ROCK2: variants seen among roughly 807,000 people sequenced by gnomAD.
The protein encoded by ROCK2 is rho-associated protein kinase 2.
In ROCK2, 61 loss-of-function variants were observed where a neutral mutation model predicts 195.1. That is an observed-to-expected ratio of 0.31 (90% CI 0.25 to 0.39). The LOEUF is 0.39. Ranked by LOEUF, ROCK2 falls within the 10% of genes least tolerant of loss-of-function variation. The probability of loss-of-function intolerance (pLI) is 1.00; values close to 1 mark genes in which losing one functional copy is unlikely to be tolerated. For missense variants in ROCK2, 1,109 were observed against 1,637.4 expected (o/e 0.68, Z 5.57); for synonymous variants, 504 against 545.5 (o/e 0.92, Z 1.06).
chr2:11,334,418 G>A, intron 1 of ROCK2, among the ~76,000 whole-genome samples: 1 of 151,334 alleles, frequency 6.6e-6, no homozygotes, highest in East Asian at 1.9e-4. Flanking sequence ...GGCAGAGGCA[G>A]GGGAATCCCT....
chr2:11,296,244 A>G (rs1478889144), intron 1 of ROCK2, among the ~76,000 whole-genome samples: 2 of 152,210 alleles, frequency 1.3e-5, no homozygotes, highest in Non-Finnish European at 2.9e-5. Context: ...TTAAGTAGAT[A>G]GATAGCTAAG....
At chr2:11,320,362 G>T (rs978546875) in intron 1 of ROCK2, among the ~76,000 whole-genome samples, 2 of 152,072 alleles carry the variant, frequency 1.3e-5, no homozygotes, top group Admixed American at 6.5e-5. Flanking sequence ...CCACTACCAG[G>T]TTCCTTCAAT....
intron 2 of ROCK2, among the ~76,000 whole-genome samples, chr2:11,286,913 G>T (rs1275056904): frequency 1.3e-5 from 2 of 152,186 alleles, no homozygotes; most frequent in Admixed American, 6.5e-5. Context: ...TAGCAAGTTA[G>T]ATGATAGCTG....
At position 11,182,240 on chromosome 2, in the gene ROCK2, T is replaced by C. The variant is rs1357477316; in HGVS notation, c.*1197A>G. ...TAAAATACTGCCACACACAGCTGCA[T>C]GTCTGAGGATCATATTTAAATATTT... On this transcript the variant is annotated 3_prime_UTR_variant, in exon 33 of 33. Coordinates refer to ENST00000315872, the MANE Select transcript of ROCK2 (RefSeq NM_004850.5). 6.6e-6 allele frequency: 1 copy of C among 152,224 alleles called. No individual in the cohort carries two copies. The highest frequency in any genetic ancestry group is 2.4e-5 in the African/African-American group (1 of 41,456). 9.4% of individuals were successfully genotyped at this position (152,224 alleles called of 1,614,324 possible).
intron 3 of ROCK2, among the ~76,000 whole-genome samples, chr2:11,267,207 A>G (rs1326576862): frequency 6.6e-6 from 1 of 152,210 alleles, no homozygotes; most frequent in Non-Finnish European, 1.5e-5. Flanking sequence ...CCAATAGGCA[A>G]TAATACAATT....
chr2:11,221,054 T>C, intron 9 of ROCK2, 144 bp downstream of exon 9: 1 of 528,444 alleles, frequency 1.9e-6, no homozygotes, highest in Middle Eastern at 5.2e-4. Flanking sequence ...AATAATAAAA[T>C]AAAATTAAGA....
At chr2:11,345,128 GC>G (rs1175423863), upstream of ROCK2, among the ~76,000 whole-genome samples, 14 of 152,218 alleles carry the variant, frequency 9.2e-5, no homozygotes, top group Admixed American at 3.9e-4. Flanking sequence ...CCCGCGAGGG[GC>G]CGCAGGGCCG....
rs201857487 is a variant in ROCK2, at chr2:11,321,558, A to AT, written c.141+22437dup. 9.3e-3 allele frequency among the ~76,000 whole-genome samples: 1,399 copies of AT among 151,072 alleles called. 19 individuals carry two copies. The highest frequency in any genetic ancestry group is 0.031 in the African/African-American group (1,262 of 41,284). Reference sequence around the variant, plus strand: ...CTCAAATAAATAAACCTCTGGACTGATTTTTTTTTAAAGACAGTGGAGCAA... The same window carrying AT: ...CTCAAATAAATAAACCTCTGGACTGATTTTTTTTTTAAAGACAGTGGAGCAA... On this transcript the variant is annotated intron_variant, in intron 1 of 32. Coordinates refer to ENST00000315872, the MANE Select transcript of ROCK2 (RefSeq NM_004850.5).
At chr2:11,299,960 C>A (rs1298323955) in intron 1 of ROCK2, among the ~76,000 whole-genome samples, 1 of 152,112 alleles carries the variant, frequency 6.6e-6, no homozygotes, top group African/African-American at 2.4e-5. Flanking sequence ...CTCTTTTGTC[C>A]ACTCTATGTG....
At chr2:11,273,356 C>T (rs1379712115) in intron 3 of ROCK2, among the ~76,000 whole-genome samples, 2 of 151,956 alleles carry the variant, frequency 1.3e-5, no homozygotes, top group Non-Finnish European at 2.9e-5. Context: ...AGTGGCTATA[C>T]TAATATCAGA....
At chr2:11,300,475 G>A (rs866159359) in intron 1 of ROCK2, among the ~76,000 whole-genome samples, 3 of 152,140 alleles carry the variant, frequency 2.0e-5, no homozygotes, top group African/African-American at 7.2e-5. Flanking sequence ...TGTTGACTAG[G>A]CTGGTCTCGA....
Position 11,230,183 on chromosome 2 carries a change from A to G in ROCK2, c.724-2785T>C, listed in dbSNP as rs970271795. ...GAGCACATCTAGCACCCAATTATTG[A>G]TTTATAAATACCATTCTTTAATAAA... On this transcript the variant is annotated intron_variant, in intron 5 of 32. Transcript: ENST00000315872. 2.0e-5 allele frequency among the ~76,000 whole-genome samples: 3 copies of G among 152,164 alleles called. No individual in the cohort carries two copies. In the East Asian group the frequency reaches 5.8e-4, roughly 29 times the overall value.
intron 5 of ROCK2, among the ~76,000 whole-genome samples, chr2:11,227,637 T>C (rs1664861052): frequency 6.6e-6 from 1 of 152,188 alleles, no homozygotes; most frequent in South Asian, 2.1e-4. Context: ...GCTTCCTCAA[T>C]GAAAGAAGAA....
rs1352418400 is a variant in ROCK2, at chr2:11,219,037, G to C, written c.1260-11C>G. Reference sequence around the variant, plus strand: ...GAGTCACTTAATAATCTACATGGAAGGGGGGAGAAAATAAATTTTTTCATT... The same window carrying C: ...GAGTCACTTAATAATCTACATGGAACGGGGGAGAAAATAAATTTTTTCATT... On this transcript the variant is annotated splice_polypyrimidine_tract_variant and intron_variant, in intron 9 of 32. Coordinates refer to ENST00000315872, the MANE Select transcript of ROCK2 (RefSeq NM_004850.5). The C allele has an allele frequency of 8.6e-6, 12 of 1,397,124 alleles. No homozygotes were observed. Among genetic ancestry groups the C allele is most frequent in the Non-Finnish European group, 1.1e-5 (11 of 1,023,614 alleles). The allele number at this position is 1,397,124 out of a possible 1,614,324, so 86.5% of individuals were successfully genotyped here.
chr2:11,199,391 A>C (rs1007265766), intron 23 of ROCK2, among the ~76,000 whole-genome samples: 22 of 150,502 alleles, frequency 1.5e-4, no homozygotes, highest in African/African-American at 4.9e-4. Context: ...ATCACCACTC[A>C]CTGTAGCCTC....
intron 1 of ROCK2, among the ~76,000 whole-genome samples, chr2:11,335,304 CAGG>C (rs1340294929): frequency 6.6e-6 from 1 of 151,896 alleles, no homozygotes; most frequent in Non-Finnish European, 1.5e-5. Context: ...TAAAGGGGGG[CAGG>C]AGTACAGATG....
At chr2:11,310,232 C>T (rs951190027) in intron 1 of ROCK2, among the ~76,000 whole-genome samples, 5 of 152,114 alleles carry the variant, frequency 3.3e-5, no homozygotes, top group African/African-American at 7.2e-5. Flanking sequence ...AGTAGCTTGA[C>T]TGCATTTGTG....
At chr2:11,267,806 C>T (rs980425693) in intron 3 of ROCK2, among the ~76,000 whole-genome samples, 1 of 151,264 alleles carries the variant, frequency 6.6e-6, no homozygotes, top group Non-Finnish European at 1.5e-5. Context: ...CCACCAAGCC[C>T]GGCTAATTTT....
At chr2:11,209,970 A>C (rs2148057503) in intron 18 of ROCK2, among the ~76,000 whole-genome samples, 1 of 152,372 alleles carries the variant, frequency 6.6e-6, no homozygotes, top group South Asian at 2.1e-4. Context: ...AGACACAGAA[A>C]GTTTAAATAA....
Sources: allele counts gnomAD v4.1 joint callset (sites outside exome capture counted in the v4.1 genomes callset), GRCh38; gene constraint gnomAD v4.1.1; transcripts MANE v1.5; gene names NCBI Gene and HGNC (gene_info 2026-07-23, HGNC 2026-07-21).